Variants in POU6F2 observed in about 807,000 individuals in gnomAD.
The protein encoded by POU6F2 is POU class 6 homeobox 2.
A neutral mutation model predicts 71.3 loss-of-function variants in POU6F2; 31 were observed. The ratio of observed to expected loss-of-function variants is 0.43; its 90% CI spans 0.33 to 0.59. The LOEUF is 0.59. POU6F2 is among the 20% of genes least tolerant of loss of function. POU6F2 has a pLI of 0.04. For missense variants in POU6F2, 783 were observed against 856.8 expected (o/e 0.91, Z 1.07); for synonymous variants, 347 against 355.7 (o/e 0.98, Z 0.27).
rs549333617 is a variant in POU6F2 at position 39,024,913 on chromosome 7, T to A, written c.105+46855T>A. Among the ~76,000 whole-genome samples the A allele has an allele frequency of 3.3e-5, 5 of 152,304 alleles. 1 individual carries two copies. In the East Asian group the frequency reaches 9.6e-4, roughly 29 times the overall value. On this transcript the variant is annotated intron_variant, in intron 1 of 9. Coordinates refer to ENST00000518318, the MANE Select transcript of POU6F2 (RefSeq NM_001370959.1). Reference sequence around the variant, plus strand: ...GCTGCTGGATTCGTTTTGCCAGTATTTTATTGAGGATTTTTGCATCAATGT... The same window carrying A: ...GCTGCTGGATTCGTTTTGCCAGTATATTATTGAGGATTTTTGCATCAATGT...
chr7:39,196,644 A>G (rs540689756), intron 2 of POU6F2, among the ~76,000 whole-genome samples: 15 of 152,268 alleles, frequency 9.9e-5, no homozygotes, highest in African/African-American at 3.1e-4. Context: ...CTGTAATTCC[A>G]GCTACTCAGG....
At chr7:39,159,016 T>TAA (rs78235966) in intron 2 of POU6F2, among the ~76,000 whole-genome samples, 1 of 144,112 alleles carries the variant, frequency 6.9e-6, no homozygotes, top group African/African-American at 2.5e-5. Context: ...TACTAACAAT[T>TAA]AAAAAAAAAA....
chr7:39,279,113 C>T (rs1784514341), intron 4 of POU6F2, among the ~76,000 whole-genome samples: 1 of 152,196 alleles, frequency 6.6e-6, no homozygotes, highest in Non-Finnish European at 1.5e-5. Flanking sequence ...AGAATCGGCT[C>T]CAGCCACTCT....
chr7:39,328,022 G>A (rs1034039475), intron 4 of POU6F2, among the ~76,000 whole-genome samples: 4 of 152,160 alleles, frequency 2.6e-5, no homozygotes, highest in African/African-American at 9.7e-5. Flanking sequence ...CCAGGTTCAA[G>A]CAATTCTCCT....
intron 5 of POU6F2, among the ~76,000 whole-genome samples, chr7:39,344,586 A>G (rs544975065): frequency 6.6e-6 from 1 of 152,184 alleles, no homozygotes; most frequent in African/African-American, 2.4e-5. Context: ...AGTTCTCTAA[A>G]GCAAATGGTC....
At chr7:39,152,123 T>A (rs1211220549) in intron 2 of POU6F2, among the ~76,000 whole-genome samples, 3 of 152,130 alleles carry the variant, frequency 2.0e-5, no homozygotes, top group African/African-American at 7.2e-5. Context: ...TGGGTAGGGC[T>A]TTGTCTGAAA....
At chr7:39,449,303 A>C (rs920199155) in intron 7 of POU6F2, among the ~76,000 whole-genome samples, 2 of 152,238 alleles carry the variant, frequency 1.3e-5, no homozygotes, top group Non-Finnish European at 2.9e-5. Context: ...TAGGGGAGCC[A>C]TTATTAATTA....
intron 1 of POU6F2, among the ~76,000 whole-genome samples, chr7:39,042,875 A>T (rs928241279): frequency 6.6e-6 from 1 of 151,952 alleles, no homozygotes; most frequent in African/African-American, 2.4e-5. Context: ...GGCAGGGAGA[A>T]TAGAAATCTT....
At chr7:39,076,719 G>A (rs1474392608) in intron 1 of POU6F2, among the ~76,000 whole-genome samples, 2 of 152,112 alleles carry the variant, frequency 1.3e-5, no homozygotes, top group African/African-American at 4.8e-5. Context: ...TGGGCACTTA[G>A]GTCTTCCCCT....
At chr7:39,134,325 C>T (rs1047564291) in intron 2 of POU6F2, among the ~76,000 whole-genome samples, 1 of 152,188 alleles carries the variant, frequency 6.6e-6, no homozygotes, top group African/African-American at 2.4e-5. Flanking sequence ...TAGTTGTGCC[C>T]TGCCCTCAGG....
chr7:39,367,720 G>A (rs1215874663), intron 5 of POU6F2, among the ~76,000 whole-genome samples: 1 of 152,040 alleles, frequency 6.6e-6, no homozygotes, highest in African/African-American at 2.4e-5. Flanking sequence ...TTGAAGGTTT[G>A]TGGCAACCCT....
intron 1 of POU6F2, among the ~76,000 whole-genome samples, chr7:39,004,747 G>C (rs1034530205): frequency 6.6e-6 from 1 of 152,162 alleles, no homozygotes; most frequent in Non-Finnish European, 1.5e-5. Flanking sequence ...TGTATTAACA[G>C]TAATAAAAAT....
At chr7:39,371,963 T>C (rs1456575314) in intron 5 of POU6F2, among the ~76,000 whole-genome samples, 1 of 152,200 alleles carries the variant, frequency 6.6e-6, no homozygotes, top group African/African-American at 2.4e-5. Context: ...TCACCCAGGC[T>C]GGAGTGCAGT....
chr7:39,197,329 C>T (rs956566517), intron 2 of POU6F2, among the ~76,000 whole-genome samples: 9 of 152,210 alleles, frequency 5.9e-5, no homozygotes, highest in Admixed American at 2.0e-4. Flanking sequence ...ACATCCCAGC[C>T]GGAAGGTTAC....
intron 4 of POU6F2, among the ~76,000 whole-genome samples, chr7:39,313,448 T>C (rs1785205119): frequency 6.6e-6 from 1 of 152,176 alleles, no homozygotes; most frequent in African/African-American, 2.4e-5. Flanking sequence ...TTGTTTCTTA[T>C]CTGTCTCCCC....
chr7:39,105,431 CA>C (rs1331982592), intron 2 of POU6F2, among the ~76,000 whole-genome samples: 1 of 136,278 alleles, frequency 7.3e-6, no homozygotes, highest in African/African-American at 2.6e-5. Flanking sequence ...TTTTTAACCT[CA>C]GGTTTTTTTT....
chr7:39,351,023 A>G (rs935727967), intron 5 of POU6F2, among the ~76,000 whole-genome samples: 2 of 152,222 alleles, frequency 1.3e-5, no homozygotes, highest in Non-Finnish European at 2.9e-5. Context: ...GAAGATACCA[A>G]TGCCCTGGGG....
At chr7:39,313,519 C>G (rs1785206398) in intron 4 of POU6F2, among the ~76,000 whole-genome samples, 1 of 152,012 alleles carries the variant, frequency 6.6e-6, no homozygotes, top group Non-Finnish European at 1.5e-5. Context: ...TTTCTTTATT[C>G]CTACAATAGT....
intron 6 of POU6F2, among the ~76,000 whole-genome samples, chr7:39,420,408 C>A (rs1003721613): frequency 6.6e-6 from 1 of 152,190 alleles, no homozygotes; most frequent in African/African-American, 2.4e-5. Context: ...ACCATAAAAT[C>A]ATACACATTT....
Sources: gnomAD v4.1 joint callset for allele counts (sites outside exome capture counted in the v4.1 genomes callset) on GRCh38, gnomAD v4.1.1 for gene constraint, MANE v1.5 for transcripts, NCBI Gene and HGNC (gene_info 2026-07-23, HGNC 2026-07-21) for gene names.